The following RAB38 variants were observed in gnomAD, a reference collection of about 807,000 sequenced individuals.
RAB38 encodes ras-related protein Rab-38.
In RAB38, 15 loss-of-function variants were observed where a neutral mutation model predicts 18.4. The observed-to-expected ratio is 0.82, with a 90% CI of 0.55 to 1.26. The LOEUF is 1.26. RAB38 is among the 50% of genes most tolerant of loss of function. The probability of loss-of-function intolerance (pLI) is 0.00; values close to 1 mark genes in which losing one functional copy is unlikely to be tolerated. For synonymous variants in RAB38, 101 were observed against 104.4 expected, an observed-to-expected ratio of 0.97 and a Z score of 0.20; for missense variants, 294 against 267.4, an observed-to-expected ratio of 1.10 and a Z score of -0.69.
the RAB38 span, among the ~76,000 whole-genome samples, chr11:87,926,509 T>C: frequency 7.5e-6 from 1 of 133,378 alleles, no homozygotes; most frequent in African/African-American, 3.0e-5. Flanking sequence ...CAAATGGTGG[T>C]TTTTTTGTTT....
At chr11:88,070,196 G>A in the RAB38 span, among the ~76,000 whole-genome samples, 1 of 152,284 alleles carries the variant, frequency 6.6e-6, no homozygotes, top group South Asian at 2.1e-4. Context: ...AGGCCAGTGA[G>A]ACCACAAACC....
At chr11:87,866,829 A>G in the RAB38 span, among the ~76,000 whole-genome samples, 1 of 151,764 alleles carries the variant, frequency 6.6e-6, no homozygotes, top group African/African-American at 2.4e-5. Context: ...GGAGCATTCA[A>G]CTGAACATAG....
chr11:88,141,162 C>T (rs1280987032), intron 2 of RAB38, among the ~76,000 whole-genome samples: 1 of 151,992 alleles, frequency 6.6e-6, no homozygotes, highest in African/African-American at 2.4e-5. Flanking sequence ...TGACTCTGTC[C>T]CCACCCCCTA....
chr11:88,014,326 G>T, the RAB38 span, among the ~76,000 whole-genome samples: 3,190 of 152,104 alleles, frequency 0.021, 98 homozygotes, highest in African/African-American at 0.071. Context: ...TGATATGCCT[G>T]GTCTCAACCC....
Position 88,171,505 on chromosome 11 carries a change from A to G in RAB38, c.202+3678T>C, listed in dbSNP as rs143009957. 4.9e-3 allele frequency among the ~76,000 whole-genome samples: 746 copies of G among 152,386 alleles called. 3 individuals are homozygous for G. The highest frequency in any genetic ancestry group is 8.9e-3 in the Non-Finnish European group (605 of 68,038). On this transcript the variant is annotated intron_variant, in intron 1 of 2. Transcript: ENST00000243662. ...TTTTCAGAGTATCTAAATTTAGAAT[A>G]TATTTAAACTATGTCTGAAGTGCTC...
chr11:88,124,492 A>G (rs1942668118), intron 2 of RAB38, among the ~76,000 whole-genome samples: 1 of 152,234 alleles, frequency 6.6e-6, no homozygotes, highest in African/African-American at 2.4e-5. Flanking sequence ...TCAAAAGAAG[A>G]CATTTATGCA....
the RAB38 span, among the ~76,000 whole-genome samples, chr11:87,943,961 T>C: frequency 6.6e-6 from 1 of 152,172 alleles, no homozygotes; most frequent in African/African-American, 2.4e-5. Context: ...TGAAATTTCA[T>C]TCAATTCAAA....
At chr11:87,910,538 C>A in the RAB38 span, among the ~76,000 whole-genome samples, 1 of 151,412 alleles carries the variant, frequency 6.6e-6, no homozygotes, top group Non-Finnish European at 1.5e-5. Flanking sequence ...TTGTCTAACC[C>A]AAAGTTACAA....
chr11:88,166,230 C>G (rs377288102), intron 1 of RAB38: 103 of 152,118 alleles, frequency 6.8e-4, no homozygotes, highest in African/African-American at 2.4e-3. Context: ...ATTAGAAATG[C>G]TATTTAAAGC....
the RAB38 span, among the ~76,000 whole-genome samples, chr11:87,827,883 A>G: frequency 6.6e-6 from 1 of 152,186 alleles, no homozygotes; most frequent in Non-Finnish European, 1.5e-5. Context: ...CTAGAGGGAA[A>G]AAGATAAGAT....
chr11:87,846,517 T>C, the RAB38 span, among the ~76,000 whole-genome samples: 1 of 151,916 alleles, frequency 6.6e-6, no homozygotes, highest in African/African-American at 2.4e-5. Context: ...ATAATAACAA[T>C]AGAAATAATT....
At chr11:88,160,976 A>G (rs1943183683) in intron 1 of RAB38, among the ~76,000 whole-genome samples, 1 of 149,778 alleles carries the variant, frequency 6.7e-6, no homozygotes, top group Admixed American at 6.7e-5. Context: ...TATCCCCCTG[A>G]ATCTATAATA....
chr11:87,858,542 G>T, the RAB38 span, among the ~76,000 whole-genome samples: 43 of 152,044 alleles, frequency 2.8e-4, 1 homozygote, highest in East Asian at 6.2e-3. Context: ...CCTTATTTGG[G>T]ATAACTCAAA....
the RAB38 span, among the ~76,000 whole-genome samples, chr11:87,820,381 A>G: frequency 3.3e-5 from 5 of 152,218 alleles, no homozygotes; most frequent in African/African-American, 9.6e-5. Flanking sequence ...TGAAGAAACA[A>G]TTGTCTTTTA....
At chr11:88,172,681 C>T (rs755471712) in intron 1 of RAB38, among the ~76,000 whole-genome samples, 12 of 152,142 alleles carry the variant, frequency 7.9e-5, no homozygotes, top group Non-Finnish European at 1.3e-4. Flanking sequence ...CTATAAGGTA[C>T]ACCTGGCTGA....
the RAB38 span, among the ~76,000 whole-genome samples, chr11:87,844,209 G>T: frequency 6.6e-6 from 1 of 152,158 alleles, no homozygotes; most frequent in East Asian, 1.9e-4. Flanking sequence ...AATAAATAGA[G>T]ATTACTCTTT....
chr11:88,165,748 C>G (rs1943237126), intron 1 of RAB38: 1 of 152,078 alleles, frequency 6.6e-6, no homozygotes, highest in South Asian at 2.1e-4. Context: ...TTCCAAAAGC[C>G]TGCCCTTGCT....
chr11:87,952,029 CTGGAGCTGAGTCAATTTG>C, the RAB38 span, among the ~76,000 whole-genome samples: 3 of 152,160 alleles, frequency 2.0e-5, no homozygotes, highest in East Asian at 1.9e-4. Flanking sequence ...CCCTACTGGC[CTGGAGCTGAGTCAATTTG>C]GGGAGCTGAG....
chr11:87,837,209 G>A, the RAB38 span, among the ~76,000 whole-genome samples: 1 of 152,240 alleles, frequency 6.6e-6, no homozygotes, highest in African/African-American at 2.4e-5. Context: ...AACTGAGTTT[G>A]GAATGCTTCC....
Sources: gnomAD v4.1 joint callset for allele counts (sites outside exome capture counted in the v4.1 genomes callset) on GRCh38, gnomAD v4.1.1 for gene constraint, MANE v1.5 for transcripts, NCBI Gene and HGNC (gene_info 2026-07-23, HGNC 2026-07-21) for gene names.